The following SCFD2 variants were observed in gnomAD, a reference collection of about 807,000 sequenced individuals.
SCFD2 encodes the protein sec1 family domain-containing protein 2.
In SCFD2, 54 loss-of-function variants were observed where a neutral mutation model predicts 58.9. The ratio of observed to expected loss-of-function variants is 0.92; its 90% CI spans 0.74 to 1.15. SCFD2 has a LOEUF of 1.15. SCFD2 is among the 50% of genes most tolerant of loss of function. The pLI is 0.00. For synonymous variants in SCFD2, 321 were observed against 335.9 expected (o/e 0.96, Z 0.49); for missense variants, 805 against 836.6 (o/e 0.96, Z 0.47).
chr4:53,222,943 G>A (rs1729091736), intron 4 of SCFD2, among the ~76,000 whole-genome samples: 1 of 152,068 alleles, frequency 6.6e-6, no homozygotes. Context: ...TCCCTCCAAG[G>A]AAGTTTTGTT....
At chr4:52,886,071 T>A (rs1718733608) in intron 7 of SCFD2, among the ~76,000 whole-genome samples, 2 of 152,130 alleles carry the variant, frequency 1.3e-5, no homozygotes, top group Admixed American at 6.5e-5. Flanking sequence ...CCCGGGTAAA[T>A]CCATGGACCG....
At chr4:52,992,390 C>T (rs974222244) in intron 5 of SCFD2, among the ~76,000 whole-genome samples, 1 of 152,216 alleles carries the variant, frequency 6.6e-6, no homozygotes, top group African/African-American at 2.4e-5. Flanking sequence ...CCTCCACCTC[C>T]CAGCCGCCTG....
chr4:52,952,355 T>C (rs1313109494), intron 5 of SCFD2, among the ~76,000 whole-genome samples: 1 of 146,752 alleles, frequency 6.8e-6, no homozygotes, highest in Admixed American at 6.8e-5. Flanking sequence ...ATCAGGCATC[T>C]TTCTGGGGGA....
At chr4:53,191,913 G>A (rs960092941) in intron 4 of SCFD2, among the ~76,000 whole-genome samples, 1 of 152,102 alleles carries the variant, frequency 6.6e-6, no homozygotes, top group Non-Finnish European at 1.5e-5. Context: ...TTCCAGTAGA[G>A]ACCACTCTAG....
intron 4 of SCFD2, among the ~76,000 whole-genome samples, chr4:53,209,494 T>C (rs200902288): frequency 8.5e-5 from 13 of 152,214 alleles, no homozygotes; most frequent in African/African-American, 2.7e-4. Context: ...TTCCTTCCTA[T>C]AGTGTTAATA....
chr4:53,178,875 C>T (rs982293969), intron 4 of SCFD2, among the ~76,000 whole-genome samples: 8 of 152,148 alleles, frequency 5.3e-5, no homozygotes, highest in African/African-American at 1.2e-4. Flanking sequence ...GTAGCCGATG[C>T]GATCAACTGG....
At chr4:53,184,051 T>A (rs1262669771) in intron 4 of SCFD2, among the ~76,000 whole-genome samples, 1 of 152,156 alleles carries the variant, frequency 6.6e-6, no homozygotes, top group African/African-American at 2.4e-5. Flanking sequence ...CGTAACCTAC[T>A]CCTAGAAAAA....
chr4:52,979,065 T>TGGG lies in SCFD2; in HGVS notation c.1562-58198_1562-58196dup, dbSNP rs10667731. The stretch of plus-strand genomic sequence containing the variant: ...TGAGCCAACACACCAGGCCTTTTTT[T>TGGG]GGGGGGGGGAGTAGTTAAGAGCAAG... On this transcript the variant is annotated intron_variant, in intron 5 of 8. Coordinates refer to ENST00000401642, the MANE Select transcript of SCFD2 (RefSeq NM_152540.4). Among the ~76,000 whole-genome samples the TGGG allele has an allele frequency of 4.9e-3, 716 of 146,936 alleles. 4 individuals carry two copies. Among genetic ancestry groups the TGGG allele is most frequent in the East Asian group, 0.011 (52 of 4,952 alleles).
At chr4:53,201,427 T>G (rs540168742) in intron 4 of SCFD2, among the ~76,000 whole-genome samples, 7 of 152,306 alleles carry the variant, frequency 4.6e-5, no homozygotes, top group African/African-American at 1.7e-4. Context: ...TCTATCATTG[T>G]TGGACATTTG....
At chr4:53,351,072 C>A (rs1225601524) in intron 2 of SCFD2, among the ~76,000 whole-genome samples, 1 of 152,206 alleles carries the variant, frequency 6.6e-6, no homozygotes, top group Non-Finnish European at 1.5e-5. Context: ...TACTTAATGT[C>A]TCTTTGCCTC....
chr4:53,186,343 A>G (rs974016105), intron 4 of SCFD2, among the ~76,000 whole-genome samples: 1 of 152,078 alleles, frequency 6.6e-6, no homozygotes, highest in African/African-American at 2.4e-5. Flanking sequence ...AAAGCTCTTT[A>G]TGAATGCTTC....
chr4:53,126,996 G>A (rs974634227), intron 5 of SCFD2, among the ~76,000 whole-genome samples: 27 of 151,928 alleles, frequency 1.8e-4, no homozygotes, highest in African/African-American at 5.3e-4. Flanking sequence ...GGGGACAAAA[G>A]GAAAGAAGAG....
intron 4 of SCFD2, among the ~76,000 whole-genome samples, chr4:53,238,751 T>C (rs1336457942): frequency 7.3e-6 from 1 of 137,704 alleles, no homozygotes; most frequent in Non-Finnish European, 1.5e-5. Context: ...GCTCCCCACA[T>C]CTCAGACGAT....
chr4:53,261,459 A>G (rs145178007), intron 4 of SCFD2, among the ~76,000 whole-genome samples: 22 of 152,082 alleles, frequency 1.4e-4, no homozygotes, highest in African/African-American at 9.6e-5. Flanking sequence ...TTTAATTTGC[A>G]TCTTGATTTC....
At chr4:52,917,061 C>A (rs973817952) in intron 6 of SCFD2, among the ~76,000 whole-genome samples, 1 of 152,142 alleles carries the variant, frequency 6.6e-6, no homozygotes, top group Admixed American at 6.5e-5. Flanking sequence ...CCACACCCAC[C>A]TAATTTTTTT....
Position 52,970,512 on chromosome 4 carries a change from C to T in SCFD2, c.1562-49642G>A, listed in dbSNP as rs558780361. Among the ~76,000 whole-genome samples the T allele has an allele frequency of 3.1e-4, 47 of 152,318 alleles. No homozygotes were observed. In the South Asian group the frequency reaches 9.3e-3, roughly 30 times the overall value. ...CTGAGGCTTGAGTAGGTAAACAAAG[C>T]TGCCAGGAAGCTGGAACTGGGTAAA... On this transcript the variant is annotated intron_variant, in intron 5 of 8. Transcript: ENST00000401642.
At chr4:53,068,531 A>T (rs1274303712) in intron 5 of SCFD2, among the ~76,000 whole-genome samples, 1 of 152,076 alleles carries the variant, frequency 6.6e-6, no homozygotes, top group African/African-American at 2.4e-5. Context: ...ATACCTTTCA[A>T]TACTTTTTCC....
chr4:52,895,212 G>A lies in SCFD2; in HGVS notation c.1843-9346C>T, dbSNP rs1054103861. Among the ~76,000 whole-genome samples the A allele has an allele frequency of 6.6e-5, 10 of 151,952 alleles. No individual in the cohort carries two copies. The South Asian group carries it at 1.3e-3, about 19-fold the overall frequency. ...ATACTTTAAGTTTTAGGATACATGT[G>A]CACAACGTACAGGTTTGTTACATAA... On this transcript the variant is annotated intron_variant, in intron 7 of 8. Coordinates refer to ENST00000401642, the MANE Select transcript of SCFD2 (RefSeq NM_152540.4).
At chr4:53,157,384 G>C (rs528190388) in intron 4 of SCFD2, among the ~76,000 whole-genome samples, 164 of 152,266 alleles carry the variant, frequency 1.1e-3, no homozygotes, top group Non-Finnish European at 1.8e-3. Flanking sequence ...TACTTGTAGA[G>C]TTTAGATACA....
Sources: gnomAD v4.1 joint callset for allele counts (sites outside exome capture counted in the v4.1 genomes callset) on GRCh38, gnomAD v4.1.1 for gene constraint, MANE v1.5 for transcripts, NCBI Gene and HGNC (gene_info 2026-07-23, HGNC 2026-07-21) for gene names.